Variants in SRR observed in about 807,000 individuals in gnomAD.
SRR encodes serine racemase.
SRR carries 19 observed loss-of-function variants against 32.7 expected under a neutral mutation model. The ratio of observed to expected loss-of-function variants is 0.58; its 90% confidence interval spans 0.40 to 0.85. The LOEUF (loss-of-function observed/expected upper bound fraction) is 0.85. Ranked by LOEUF, SRR falls within the 40% of genes least tolerant of loss-of-function variation. The pLI, the probability that SRR is intolerant of heterozygous loss-of-function variation, is 0.00. For synonymous variants in SRR, 142 were observed against 140.9 expected, an observed-to-expected ratio of 1.01 and a Z score of -0.06; for missense variants, 373 against 404.7, an observed-to-expected ratio of 0.92 and a Z score of 0.67.
intron 1 of SRR, among the ~76,000 whole-genome samples, chr17:2,310,833 G>A (rs1194556410): frequency 2.6e-5 from 4 of 152,016 alleles, no homozygotes; most frequent in Admixed American, 2.0e-4. Context: ...TGCAAACTCC[G>A]CCTCCCGGGT....
chr17:2,304,380 T>C (rs1411188263), intron 1 of SRR, among the ~76,000 whole-genome samples: 2 of 139,076 alleles, frequency 1.4e-5, no homozygotes, highest in African/African-American at 5.4e-5. Context: ...GCCTCCCTAG[T>C]AGCTGGGATT....
Position 2,307,464 on chromosome 17 carries a change from T to G in SRR, c.-5+3447T>G, listed in dbSNP as rs1597257279. On this transcript the variant is annotated intron_variant, in intron 1 of 7. Transcript: ENST00000344595. Reference sequence around the variant, plus strand: ...GCTTTGGTGGCAGCTGTGGTGGTGGTGGATATCGTGCAGTGGGGATGGCTA... The same window carrying G: ...GCTTTGGTGGCAGCTGTGGTGGTGGGGGATATCGTGCAGTGGGGATGGCTA... The G allele has an allele frequency of 1.1e-5, 16 of 1,434,224 alleles. No individual in the cohort carries two copies. The South Asian group carries it at 1.3e-4, about 11-fold the overall frequency. 88.8% of individuals were successfully genotyped at this position (1,434,224 alleles called of 1,614,324 possible).
intron 2 of SRR, among the ~76,000 whole-genome samples, chr17:2,316,879 ATTTT>A (rs536120942): frequency 2.4e-5 from 3 of 123,788 alleles, no homozygotes; most frequent in Admixed American, 1.7e-4. Context: ...CGCCCAGCTA[ATTTT>A]TTTTTTTTTT....
chr17:2,318,000 C>T lies in SRR; in HGVS notation c.295+4C>T. 1 of 1,611,408 alleles carries T rather than the reference C, an allele frequency of 6.2e-7. No individual in the cohort carries two copies. Among genetic ancestry groups the T allele is most frequent in the Non-Finnish European group, 8.5e-7 (1 of 1,178,452 alleles). On this transcript the variant is annotated splice_donor_region_variant and intron_variant, in intron 3 of 7. Transcript: ENST00000344595. ...ACCTATGCTGCCAAATTGGAAGGTA[C>T]TTGATTTCTCAAGGTACTGGGTAGA...
intron 4 of SRR, 131 bp from the exon 5 acceptor site, chr17:2,321,175 C>T (rs772654427): frequency 1.9e-5 from 20 of 1,050,064 alleles, no homozygotes; most frequent in Non-Finnish European, 2.7e-5. Context: ...ATTTTATTAA[C>T]ATATATATCT....
At chr17:2,303,917 C>T (rs1597252995), upstream of SRR, 5 of 340,040 alleles carry the variant, frequency 1.5e-5, no homozygotes, top group South Asian at 1.6e-4. Flanking sequence ...GGGACCGGAG[C>T]GAGAGCCTGG....
In SRR at chr17:2,324,932, C is replaced by T. The variant is rs577432250; in HGVS notation, c.*1059C>T. On this transcript the variant is annotated 3_prime_UTR_variant, in exon 8 of 8. Coordinates refer to ENST00000344595, the MANE Select transcript of SRR (RefSeq NM_021947.3). ...CCCATGCAAGAGCCTGGTTTGTCAT[C>T]CCTGCCCTAGCCCAATCTGAGGCTA... The T allele has an allele frequency of 1.3e-4, 184 of 1,363,834 alleles. 2 individuals carry two copies. In the South Asian group the frequency reaches 2.4e-3, roughly 18 times the overall value. 84.5% of individuals were successfully genotyped at this position (1,363,834 alleles called of 1,614,324 possible).
chr17:2,317,890 C>T lies in SRR; in HGVS notation c.189C>T (p.Ala63=), dbSNP rs752715384. The T allele has an allele frequency of 1.9e-5, 30 of 1,613,630 alleles. No individual in the cohort carries two copies. The South Asian group carries it at 2.9e-4, about 15-fold the overall frequency. ...TTCAGATTCGTGGTGCTCTCAATGC[C>T]GTCAGAAGCTTGGTTCCTGATGCTT... The part of the protein sequence containing the change: ...GSFKIRGALN[A]VRSLVPDALE... Residue 63 remains alanine (A), a synonymous_variant, in exon 3 of 8, where the codon GCC becomes GCT. Transcript: ENST00000344595.
At chr17:2,320,709 G>C (rs367957465) in intron 4 of SRR, among the ~76,000 whole-genome samples, 2 of 152,034 alleles carry the variant, frequency 1.3e-5, no homozygotes, top group Non-Finnish European at 2.9e-5. Flanking sequence ...TTACAGGCGC[G>C]TGCCACCACA....
chr17:2,307,362 CTT>C (rs2075398624), intron 1 of SRR: 1 of 1,076,648 alleles, frequency 9.3e-7, no homozygotes, highest in Admixed American at 1.7e-5. Context: ...CTTCTGGAAA[CTT>C]TGGTGGTGGT....
chr17:2,303,524 G>T (rs1037522309), upstream of SRR: 49 of 1,335,284 alleles, frequency 3.7e-5, no homozygotes, highest in Non-Finnish European at 4.6e-5. Flanking sequence ...ACTGCTGGGG[G>T]AAGGGGCGGG....
At chr17:2,303,400 A>T, upstream of SRR, 1 of 1,247,234 alleles carries the variant, frequency 8.0e-7, no homozygotes, top group Non-Finnish European at 1.0e-6. Flanking sequence ...AAGAGGGTGG[A>T]GGCAGGAATT....
At chr17:2,310,031 T>C (rs146568337) in intron 1 of SRR, 1 of 152,304 alleles carries the variant, frequency 6.6e-6, no homozygotes, top group African/African-American at 2.4e-5. Context: ...AATCTCTGGT[T>C]CCAGTAGTTC....
chr17:2,323,436 G>A, intron 7 of SRR, 91 bp downstream of exon 7: 1 of 1,453,830 alleles, frequency 6.9e-7, no homozygotes, highest in Non-Finnish European at 9.5e-7. Flanking sequence ...TGACCCACGG[G>A]AACCTGACTA....
At chr17:2,321,710 T>TTACC (rs1276102679) in intron 6 of SRR, 94 bp downstream of exon 6, 3 of 1,105,844 alleles carry the variant, frequency 2.7e-6, no homozygotes, top group Non-Finnish European at 2.7e-6. Context: ...TCTGCACACA[T>TTACC]TACCATTCCT....
chr17:2,303,800 C>G (rs1333610122), upstream of SRR: 2 of 1,206,794 alleles, frequency 1.7e-6, no homozygotes, highest in East Asian at 6.3e-5. Flanking sequence ...GGGCGGCGCG[C>G]GCGCTCGCCC....
At chr17:2,307,840 A>T in intron 1 of SRR, 2 of 660,124 alleles carry the variant, frequency 3.0e-6, no homozygotes, top group Non-Finnish European at 5.5e-6. Context: ...TACAAAGAAG[A>T]TATGTTTTAG....
intron 2 of SRR, among the ~76,000 whole-genome samples, chr17:2,317,577 G>A (rs1195630660): frequency 6.6e-6 from 1 of 151,996 alleles, no homozygotes; most frequent in African/African-American, 2.4e-5. Flanking sequence ...CCAGCTACTT[G>A]GGAGGCTGAG....
At chr17:2,316,864 C>T (rs534633340) in intron 2 of SRR, among the ~76,000 whole-genome samples, 13 of 150,522 alleles carry the variant, frequency 8.6e-5, no homozygotes, top group African/African-American at 3.2e-4. Flanking sequence ...AGGCGCCTGC[C>T]ACCACGCCCA....
Sources: allele counts gnomAD v4.1 joint callset (sites outside exome capture counted in the v4.1 genomes callset), GRCh38; gene constraint gnomAD v4.1.1; transcripts MANE v1.5; gene names NCBI Gene and HGNC (gene_info 2026-07-23, HGNC 2026-07-21).